MOV10L1: variants seen among roughly 807,000 people sequenced by gnomAD.
MOV10L1 encodes Mov10 like RNA helicase 1.
A neutral mutation model predicts 143.8 loss-of-function variants in MOV10L1; 110 were observed. The ratio of observed to expected loss-of-function variants is 0.76; its 90% confidence interval spans 0.66 to 0.90. The LOEUF is 0.90. MOV10L1 is among the 40% of genes least tolerant of loss of function. The probability of loss-of-function intolerance (pLI) is 0.00; values close to 1 mark genes in which losing one functional copy is unlikely to be tolerated. For missense variants in MOV10L1, 1,406 were observed against 1,526.8 expected (o/e 0.92, Z 1.32); for synonymous variants, 593 against 581.1 (o/e 1.02, Z -0.29).
chr22:50,104,817 G>T lies in MOV10L1; in HGVS notation c.443-3319G>T, dbSNP rs1009046546. ...CTCTTATTATTTCTATAATTGCGTGGTGTCGTCTTCAAAGTTGCATTTTAT... is the reference window on the plus strand; with the variant it reads ...CTCTTATTATTTCTATAATTGCGTGTTGTCGTCTTCAAAGTTGCATTTTAT... On this transcript the variant is annotated intron_variant, in intron 3 of 26. Transcript: ENST00000262794. Among the ~76,000 whole-genome samples, 4 of 151,510 alleles carry T rather than the reference G, an allele frequency of 2.6e-5. No individual in the cohort carries two copies. The East Asian group carries it at 5.8e-4, about 22-fold the overall frequency.
At chr22:50,109,737 G>A (rs554861679) in intron 5 of MOV10L1, 18 of 173,144 alleles carry the variant, frequency 1.0e-4, no homozygotes, top group South Asian at 2.3e-4. Context: ...AGCTACACAC[G>A]AGGTTGAAGC....
chr22:50,093,980 T>C (rs2147001878), intron 2 of MOV10L1: 1 of 152,334 alleles, frequency 6.6e-6, no homozygotes, highest in South Asian at 2.1e-4. Context: ...CCCACCTGCA[T>C]GTGATGTGGT....
rs1224037660 is a variant in MOV10L1, at chr22:50,161,470, G to A, written c.*21G>A. On this transcript the variant is annotated 3_prime_UTR_variant, in exon 27 of 27. Transcript: ENST00000262794. ...GCTGATCTGCAGTGGCTGACAGCAG[G>A]GAGGCCATGTGCTCAGCCTGGCCAC... 2 of 1,567,124 alleles carry A rather than the reference G, an allele frequency of 1.3e-6. No individual in the cohort carries two copies. Among genetic ancestry groups the A allele is most frequent in the Non-Finnish European group, 1.7e-6 (2 of 1,155,878 alleles).
At chr22:50,118,392 A>G (rs1023168593) in intron 9 of MOV10L1, among the ~76,000 whole-genome samples, 2 of 152,186 alleles carry the variant, frequency 1.3e-5, no homozygotes, top group African/African-American at 4.8e-5. Context: ...GCACAAAGCA[A>G]TCACTCAGTA....
At chr22:50,099,323 C>T (rs55710521) in intron 2 of MOV10L1, 120 bp from the exon 3 acceptor site, 359,289 of 1,199,458 alleles carry the variant, frequency 0.3, 57,815 homozygotes, top group Non-Finnish European at 0.33. Flanking sequence ...GACCCGGAAT[C>T]TGCCAGGGCC....
chr22:50,155,720 C>T (rs369597118), intron 22 of MOV10L1, among the ~76,000 whole-genome samples: 14 of 152,166 alleles, frequency 9.2e-5, no homozygotes, highest in Non-Finnish European at 1.5e-4. Flanking sequence ...ATGATCTGCC[C>T]GCCTTGGCCT....
At chr22:50,147,733 A>G (rs1342673860) in intron 19 of MOV10L1, among the ~76,000 whole-genome samples, 6 of 152,280 alleles carry the variant, frequency 3.9e-5, no homozygotes, top group South Asian at 4.1e-4. Flanking sequence ...AATAACTGCA[A>G]TTAATACAGA....
At chr22:50,112,021 C>T (rs2062039470) in intron 5 of MOV10L1, among the ~76,000 whole-genome samples, 1 of 152,202 alleles carries the variant, frequency 6.6e-6, no homozygotes, top group Non-Finnish European at 1.5e-5. Context: ...GAGCAGTGCA[C>T]CCCATGTAAG....
At chr22:50,115,016 G>GTGTGTCTTT in intron 7 of MOV10L1, 98 bp from the exon 8 acceptor site, 2 of 1,314,904 alleles carry the variant, frequency 1.5e-6, no homozygotes, top group South Asian at 1.4e-5. Context: ...ATCTGTCTTT[G>GTGTGTCTTT]TGTGTGTGAG....
At position 50,160,754 on chromosome 22, in the gene MOV10L1, A is replaced by C; in HGVS notation, c.3391A>C (p.Arg1131=). The C allele has an allele frequency of 6.2e-7, 1 of 1,614,174 alleles. No homozygotes were observed. The highest frequency in any genetic ancestry group is 1.7e-5 in the Admixed American group (1 of 60,020). ...TTTGGGTTTCTTGTCCAACTCAAAA[A>C]GATTTAATGTTGCAATCACCAGACC... is the stretch of plus-strand genomic sequence containing the variant. The part of the protein sequence containing the change: ...YFLGFLSNSK[R]FNVAITRPKA... Residue 1131 remains arginine (R), a synonymous_variant, in exon 25 of 27, where the codon AGA becomes CGA. Transcript: ENST00000262794.
intron 22 of MOV10L1, among the ~76,000 whole-genome samples, chr22:50,155,893 A>C (rs1452140653): frequency 6.6e-6 from 1 of 152,138 alleles, no homozygotes; most frequent in African/African-American, 2.4e-5. Flanking sequence ...TCTACAAAAA[A>C]TACAAAAATT....
intron 2 of MOV10L1, among the ~76,000 whole-genome samples, chr22:50,098,828 G>A (rs988053068): frequency 6.6e-6 from 1 of 152,138 alleles, no homozygotes; most frequent in African/African-American, 2.4e-5. Context: ...GGCCTTTCTC[G>A]TGTTGAAGAG....
intron 2 of MOV10L1, chr22:50,095,750 T>C (rs2062572189): frequency 6.6e-6 from 1 of 152,132 alleles, no homozygotes; most frequent in Non-Finnish European, 1.5e-5. Flanking sequence ...CCCAGCCCTC[T>C]TGGTGGTCAG....
At chr22:50,147,024 T>G in intron 19 of MOV10L1, 1 of 1,545,964 alleles carries the variant, frequency 6.5e-7, no homozygotes, top group South Asian at 1.2e-5. Flanking sequence ...AGGGATTTTT[T>G]TTGTTAATGT....
At chr22:50,108,315 G>A (rs766023639) in intron 4 of MOV10L1, 67 bp downstream of exon 4, 408 of 1,380,946 alleles carry the variant, frequency 3.0e-4, no homozygotes, top group Non-Finnish European at 3.5e-4. Flanking sequence ...TAACTTGCAC[G>A]GCCCAGGCTT....
intron 15 of MOV10L1, among the ~76,000 whole-genome samples, chr22:50,140,635 C>T (rs1182443885): frequency 1.3e-5 from 2 of 152,148 alleles, no homozygotes; most frequent in Non-Finnish European, 2.9e-5. Flanking sequence ...GCATTCAGAG[C>T]CATCCTAGGC....
At chr22:50,132,202 G>GTATGATATGTGCCTTTA (rs1366461155) in intron 13 of MOV10L1, among the ~76,000 whole-genome samples, 2 of 152,200 alleles carry the variant, frequency 1.3e-5, no homozygotes, top group Non-Finnish European at 2.9e-5. Context: ...CAAACCTAGT[G>GTATGATATGTGCCTTTA]TATGATATGT....
At chr22:50,146,775 C>T (rs568488335) in intron 19 of MOV10L1, among the ~76,000 whole-genome samples, 1 of 152,318 alleles carries the variant, frequency 6.6e-6, no homozygotes, top group South Asian at 2.1e-4. Context: ...CCACGCCTAT[C>T]ACAGCGTGTC....
In MOV10L1 at chr22:50,158,222, G is replaced by T. The variant is rs192261959; in HGVS notation, c.3216+16G>T. The T allele has an allele frequency of 6.2e-7, 1 of 1,613,848 alleles. No individual in the cohort carries two copies. Among genetic ancestry groups the T allele is most frequent in the African/African-American group, 1.3e-5 (1 of 75,056 alleles). On this transcript the variant is annotated intron_variant, in intron 23 of 26. Coordinates refer to ENST00000262794, the MANE Select transcript of MOV10L1 (RefSeq NM_018995.3). The surrounding 1 kb of genome is among the most constrained non-coding windows in gnomAD (Gnocchi z 5.0). ...CCGGAAGCAGGTACGCCCTGCCCAG[G>T]CACGCCTGGTTCTGTGAGGTCCCTG...
Sources: gnomAD v4.1 joint callset for allele counts (sites outside exome capture counted in the v4.1 genomes callset) on GRCh38, gnomAD v4.1.1 for gene constraint, Gnocchi (gnomAD v3.1) non-coding constraint, MANE v1.5 for transcripts, NCBI Gene and HGNC (gene_info 2026-07-23, HGNC 2026-07-21) for gene names.